The following TBCK variants were observed in gnomAD, a reference collection of about 807,000 sequenced individuals.
TBCK encodes TBC1 domain containing kinase.
A neutral mutation model predicts 113.4 loss-of-function variants in TBCK; 99 were observed. The observed-to-expected ratio is 0.87, with a 90% CI of 0.74 to 1.03. TBCK has a LOEUF of 1.03. Among genes scored for constraint, TBCK ranks in the 50% least tolerant of loss-of-function variants. The pLI, the probability that TBCK is intolerant of heterozygous loss-of-function variation, is 0.00. For synonymous variants in TBCK, 369 were observed against 370.8 expected (o/e 1.00, Z 0.05); for missense variants, 1,045 against 1,061.3 (o/e 0.98, Z 0.21).
chr4:106,051,710 A>G (rs1321343914), intron 25 of TBCK, among the ~76,000 whole-genome samples: 1 of 151,896 alleles, frequency 6.6e-6, no homozygotes, highest in African/African-American at 2.4e-5. Flanking sequence ...TTGGCTAGAC[A>G]AGGCAGATAA....
At chr4:106,306,293 C>T (rs1434773394) in intron 2 of TBCK, among the ~76,000 whole-genome samples, 1 of 145,080 alleles carries the variant, frequency 6.9e-6, no homozygotes, top group Non-Finnish European at 1.5e-5. Context: ...TTACATTGCC[C>T]AAGCTGGTCT....
At chr4:106,108,300 G>A (rs4339284) in intron 24 of TBCK, among the ~76,000 whole-genome samples, 38,286 of 150,796 alleles carry the variant, frequency 0.25, 4,902 homozygotes, top group Non-Finnish European at 0.29. Context: ...CAGAGACACA[G>A]TAAAAAAGGA....
Position 106,142,006 on chromosome 4 carries a change from T to C in TBCK, c.2236-25628A>G, listed in dbSNP as rs575492871. ...AAGGACAAAGAAATAGCAAAATACA[T>C]GTGGGAATCTAGTTTATCATAAAAC... is the stretch of plus-strand genomic sequence containing the variant. On this transcript the variant is annotated intron_variant, in intron 23 of 25. Transcript: ENST00000394708. 1.1e-4 allele frequency among the ~76,000 whole-genome samples: 15 copies of C among 141,374 alleles called. 2 individuals carry two copies. The highest frequency in any genetic ancestry group is 3.2e-4 in the African/African-American group (13 of 40,108). 92.7% of individuals were successfully genotyped at this position (141,374 alleles called of 152,430 possible). A position where few individuals can be genotyped will look rare whatever the true frequency, so the allele number is the denominator to read the frequency against.
intron 20 of TBCK, among the ~76,000 whole-genome samples, chr4:106,205,702 G>C (rs1277412557): frequency 6.7e-6 from 1 of 150,276 alleles, no homozygotes; most frequent in African/African-American, 2.4e-5. Context: ...GGAGGCAGAG[G>C]TTGCAGTGAG....
At chr4:106,117,697 T>C (rs538842092) in intron 23 of TBCK, among the ~76,000 whole-genome samples, 2 of 152,214 alleles carry the variant, frequency 1.3e-5, no homozygotes, top group East Asian at 1.9e-4. Context: ...TGAAATCTTA[T>C]GTGACATGAC....
chr4:106,234,330 T>C (rs1287971433), intron 15 of TBCK, among the ~76,000 whole-genome samples: 1 of 152,146 alleles, frequency 6.6e-6, no homozygotes, highest in African/African-American at 2.4e-5. Flanking sequence ...TTGGCATTCT[T>C]GTAAAGTAAC....
intron 23 of TBCK, among the ~76,000 whole-genome samples, chr4:106,159,150 C>T (rs1236210050): frequency 6.6e-6 from 1 of 151,634 alleles, no homozygotes; most frequent in Non-Finnish European, 1.5e-5. Context: ...TTCCTCAACA[C>T]AATAAAAGTC....
intron 19 of TBCK, among the ~76,000 whole-genome samples, chr4:106,229,880 G>A (rs1038327041): frequency 6.6e-6 from 1 of 151,880 alleles, no homozygotes; most frequent in African/African-American, 2.4e-5. Flanking sequence ...TCACAAACAG[G>A]TTACGCTATG....
intron 20 of TBCK, 147 bp from the exon 21 acceptor site, chr4:106,194,901 GT>G (rs1754047549): frequency 7.7e-6 from 6 of 774,956 alleles, no homozygotes; most frequent in African/African-American, 5.6e-5. Flanking sequence ...GTAGTGTTAA[GT>G]TTAGCCTAAA....
chr4:106,154,552 A>G (rs1322411622), intron 23 of TBCK, among the ~76,000 whole-genome samples: 2 of 152,116 alleles, frequency 1.3e-5, no homozygotes, highest in Non-Finnish European at 2.9e-5. Flanking sequence ...GTCATTTCTC[A>G]TGGCTTAACA....
chr4:106,219,483 A>T (rs925670322), intron 19 of TBCK, among the ~76,000 whole-genome samples: 2 of 152,072 alleles, frequency 1.3e-5, no homozygotes, highest in Non-Finnish European at 2.9e-5. Context: ...GCAATTAAAA[A>T]TATATTTTGT....
At chr4:106,131,290 G>A (rs561492082) in intron 23 of TBCK, among the ~76,000 whole-genome samples, 1 of 152,332 alleles carries the variant, frequency 6.6e-6, no homozygotes, top group South Asian at 2.1e-4. Context: ...CCAGTTTTGG[G>A]TATGTCATTA....
chr4:106,164,349 AG>A (rs935725228), intron 23 of TBCK: 1 of 152,038 alleles, frequency 6.6e-6, no homozygotes, highest in African/African-American at 2.4e-5. Flanking sequence ...TCAATATGTT[AG>A]CAAAAAAAAG....
intron 22 of TBCK, among the ~76,000 whole-genome samples, chr4:106,181,261 G>A (rs1752343320): frequency 6.6e-6 from 1 of 152,134 alleles, no homozygotes; most frequent in African/African-American, 2.4e-5. Flanking sequence ...ATAGATGCTG[G>A]ATATTAGCCC....
rs1022807653 is a variant in TBCK at position 106,216,606 on chromosome 4, A to G, written c.1775-3771T>C. 8.0e-4 allele frequency among the ~76,000 whole-genome samples: 122 copies of G among 152,350 alleles called. 1 individual carries two copies. Among genetic ancestry groups the G allele is most frequent in the Admixed American group, 3.4e-3 (52 of 15,304 alleles). On this transcript the variant is annotated intron_variant, in intron 19 of 25. Coordinates refer to ENST00000394708, the MANE Select transcript of TBCK (RefSeq NM_001163435.3). ...ACAAACACCTCTATGCAAATAAACT[A>G]GAAAACCTAGAAGAAATGGGTAAAT...
At chr4:106,117,826 G>A (rs951650306) in intron 23 of TBCK, among the ~76,000 whole-genome samples, 20 of 152,006 alleles carry the variant, frequency 1.3e-4, no homozygotes, top group Admixed American at 2.0e-4. Context: ...TGGCTAAACC[G>A]GTGAAACCCT....
chr4:106,058,823 AG>A (rs1479077376), intron 25 of TBCK, among the ~76,000 whole-genome samples: 1 of 151,728 alleles, frequency 6.6e-6, no homozygotes, highest in Non-Finnish European at 1.5e-5. Context: ...CAAAAAGCTC[AG>A]TCTAGTGTAG....
intron 5 of TBCK, among the ~76,000 whole-genome samples, chr4:106,255,904 G>A (rs1030823428): frequency 6.6e-6 from 1 of 152,150 alleles, no homozygotes; most frequent in African/African-American, 2.4e-5. Flanking sequence ...CACTGGCAGG[G>A]TGTCCCAAGG....
intron 5 of TBCK, among the ~76,000 whole-genome samples, chr4:106,252,419 T>C (rs1371320964): frequency 6.6e-6 from 1 of 152,066 alleles, no homozygotes; most frequent in Non-Finnish European, 1.5e-5. Flanking sequence ...ATAAAAAAGA[T>C]ACAAATTGAA....
Sources: allele counts gnomAD v4.1 joint callset (sites outside exome capture counted in the v4.1 genomes callset), GRCh38; gene constraint gnomAD v4.1.1; transcripts MANE v1.5; gene names NCBI Gene and HGNC (gene_info 2026-07-23, HGNC 2026-07-21).